PALM: variants seen among roughly 807,000 people sequenced by gnomAD.
The protein encoded by PALM is paralemmin.
Under a neutral mutation model 30.7 loss-of-function variants are expected in PALM, and 18 were observed. The observed-to-expected ratio is 0.59, with a 90% CI of 0.41 to 0.87. The LOEUF is 0.87. Among genes scored for constraint, PALM ranks in the 40% least tolerant of loss-of-function variants. The probability of loss-of-function intolerance (pLI) is 0.00; values close to 1 mark genes in which losing one functional copy is unlikely to be tolerated. For missense variants in PALM, 529 were observed against 555.4 expected (o/e 0.95, Z 0.48); for synonymous variants, 286 against 242.8 (o/e 1.18, Z -1.66).
intron 1 of PALM, among the ~76,000 whole-genome samples, chr19:715,042 T>C (rs1446398588): frequency 1.3e-5 from 2 of 152,156 alleles, no homozygotes; most frequent in Non-Finnish European, 2.9e-5. Flanking sequence ...GGCAGGAGGA[T>C]CACCTCAGGT....
At chr19:744,235 C>G (rs887744223) in intron 8 of PALM, among the ~76,000 whole-genome samples, 3 of 151,788 alleles carry the variant, frequency 2.0e-5, no homozygotes, top group African/African-American at 7.3e-5. Context: ...CCCATCTCTA[C>G]TAAAAATACA....
chr19:740,313 C>T (rs762348688), intron 7 of PALM, 39 bp from the exon 8 acceptor site: 26 of 1,519,146 alleles, frequency 1.7e-5, no homozygotes, highest in Admixed American at 1.0e-4. Flanking sequence ...GGTGCGGGGG[C>T]GGGCAGGCCG....
chr19:726,990 AC>A lies in PALM; in HGVS notation c.58-15del. On this transcript the variant is annotated splice_polypyrimidine_tract_variant and intron_variant, in intron 2 of 8. Coordinates refer to ENST00000338448, the MANE Select transcript of PALM (RefSeq NM_002579.3). ...GACCCCCACGCCCATCCCTGACCCCACCCGGCCCTCCCCACAGGAGAAGCGG... is the reference window on the plus strand; with the variant it reads ...GACCCCCACGCCCATCCCTGACCCCACCGGCCCTCCCCACAGGAGAAGCGG... 6 of 538,606 alleles carry A rather than the reference AC, an allele frequency of 1.1e-5. No homozygotes were observed. The highest frequency in any genetic ancestry group is 1.9e-5 in the Non-Finnish European group (6 of 310,856). 33.4% of individuals were successfully genotyped at this position (538,606 alleles called of 1,614,324 possible). A position where few individuals can be genotyped will look rare whatever the true frequency, so the allele number is the denominator to read the frequency against.
rs2032857554 is a variant in PALM, at chr19:731,086, T to C, written c.270-9T>C. 2 of 1,567,630 alleles carry C rather than the reference T, an allele frequency of 1.3e-6. No individual in the cohort carries two copies. The highest frequency in any genetic ancestry group is 1.4e-5 in the African/African-American group (1 of 73,286). ...AGGAGTCACCCTCACAGGCACACCC[T>C]CTCCCCAGGTTGGAGAAGGAAATTG... is the stretch of plus-strand genomic sequence containing the variant. On this transcript the variant is annotated splice_polypyrimidine_tract_variant and intron_variant, in intron 4 of 8. Coordinates refer to ENST00000338448, the MANE Select transcript of PALM (RefSeq NM_002579.3).
At chr19:710,651 G>GCCCCCCCCCCCCCCCCCCCC (rs763250940) in intron 1 of PALM, among the ~76,000 whole-genome samples, 57 of 114,142 alleles carry the variant, frequency 5.0e-4, no homozygotes, top group Non-Finnish European at 6.3e-4. Context: ...AGGAGCTGCT[G>GCCCCCCCCCCCCCCCCCCCC]CCCCCCCCCC....
chr19:734,435 C>T (rs1244101077), intron 6 of PALM: 16 of 542,554 alleles, frequency 2.9e-5, no homozygotes, highest in Non-Finnish European at 6.6e-6. Context: ...TGTGGTGGCT[C>T]ATGCCTGTAA....
chr19:727,096 CG>C lies in PALM; in HGVS notation c.138+12del. ...CAGCTGCAGCACCTGAAGGTACGAGCGGGGCAGGGACCCAGGGTCAGGGAGT... is the reference window on the plus strand; with the variant it reads ...CAGCTGCAGCACCTGAAGGTACGAGCGGGCAGGGACCCAGGGTCAGGGAGT... On this transcript the variant is annotated intron_variant, in intron 3 of 8. Transcript: ENST00000338448. 1.3e-6 allele frequency: 2 copies of C among 1,536,114 alleles called. No individual in the cohort carries two copies. Among genetic ancestry groups the C allele is most frequent in the East Asian group, 4.9e-5 (2 of 40,748 alleles).
At chr19:713,734 G>A (rs1179012637) in intron 1 of PALM, among the ~76,000 whole-genome samples, 2 of 150,950 alleles carry the variant, frequency 1.3e-5, no homozygotes. Flanking sequence ...ATGCGCCACT[G>A]CGCCTGGCTA....
intron 1 of PALM, among the ~76,000 whole-genome samples, chr19:710,540 C>A (rs1489505759): frequency 1.3e-5 from 2 of 152,196 alleles, no homozygotes; most frequent in East Asian, 3.9e-4. Context: ...CGACGGAGAT[C>A]TCCCTCCCAG....
intron 8 of PALM, among the ~76,000 whole-genome samples, chr19:745,442 C>G (rs755582291): frequency 6.6e-6 from 1 of 152,142 alleles, no homozygotes; most frequent in Non-Finnish European, 1.5e-5. Context: ...GCCTGTCATC[C>G]CAGCACTTTG....
chr19:739,835 G>T (rs1395728403), intron 7 of PALM, among the ~76,000 whole-genome samples: 1 of 152,184 alleles, frequency 6.6e-6, no homozygotes, highest in African/African-American at 2.4e-5. Context: ...AATTAGCTGG[G>T]CGTGGTGGCG....
intron 1 of PALM, among the ~76,000 whole-genome samples, chr19:714,064 C>G (rs1484581640): frequency 6.6e-6 from 1 of 151,740 alleles, no homozygotes; most frequent in Non-Finnish European, 1.5e-5. Context: ...GCCACCACAC[C>G]CAGCTAATTT....
intron 2 of PALM, 150 bp downstream of exon 2, chr19:726,339 G>C (rs1476175365): frequency 1.6e-6 from 1 of 640,610 alleles, no homozygotes; most frequent in East Asian, 2.9e-5. Context: ...CTGCTGACCC[G>C]CAGAGAATGG....
At position 747,119 on chromosome 19, in the gene PALM, G is replaced by T; in HGVS notation, c.*305G>T. 2 of 324,104 alleles carry T rather than the reference G, an allele frequency of 6.2e-6. No homozygotes were observed. The highest frequency in any genetic ancestry group is 1.1e-5 in the Non-Finnish European group (2 of 174,188). The allele number at this position is 324,104 out of a possible 1,614,324, so 20.1% of individuals were successfully genotyped here. ...CGGCAGCTTCACAGACGCGGCTCGC[G>T]CCCACCGGGGTCCTGGCGGGTGGGA... On this transcript the variant is annotated 3_prime_UTR_variant, in exon 9 of 9. Transcript: ENST00000338448.
chr19:723,805 A>G (rs2032573862), intron 1 of PALM, among the ~76,000 whole-genome samples: 1 of 152,202 alleles, frequency 6.6e-6, no homozygotes, highest in Non-Finnish European at 1.5e-5. Context: ...TCTGTTGGCC[A>G]GGCTGGTCTC....
intron 8 of PALM, among the ~76,000 whole-genome samples, chr19:743,441 C>A (rs1467268088): frequency 6.6e-6 from 1 of 152,204 alleles, no homozygotes; most frequent in Non-Finnish European, 1.5e-5. Context: ...GGGGCAGCGG[C>A]CAGTGGGACA....
chr19:718,608 C>T (rs753267224), intron 1 of PALM, among the ~76,000 whole-genome samples: 2 of 152,050 alleles, frequency 1.3e-5, no homozygotes, highest in Non-Finnish European at 2.9e-5. Flanking sequence ...CTTTGACCTC[C>T]GTCTTCTCCT....
intron 2 of PALM, among the ~76,000 whole-genome samples, 183 bp from the exon 3 acceptor site, chr19:726,825 G>T (rs542274402): frequency 6.4e-4 from 97 of 152,306 alleles, no homozygotes; most frequent in Middle Eastern, 3.4e-3. Flanking sequence ...TCGAGACAGG[G>T]TCTTGCGCTG....
chr19:740,629 A>C, intron 8 of PALM, 146 bp downstream of exon 8: 2 of 770,252 alleles, frequency 2.6e-6, no homozygotes, highest in Admixed American at 2.9e-5. Context: ...CCAGGGCCTC[A>C]CCCCCTGTGG....
Sources: allele counts gnomAD v4.1 joint callset (sites outside exome capture counted in the v4.1 genomes callset), GRCh38; gene constraint gnomAD v4.1.1; transcripts MANE v1.5; gene names NCBI Gene and HGNC (gene_info 2026-07-23, HGNC 2026-07-21).